Variants in WDR33 observed in about 807,000 individuals in gnomAD.
The protein encoded by WDR33 is WD repeat domain 33.
A neutral mutation model predicts 164.9 loss-of-function variants in WDR33; 47 were observed. The ratio of observed to expected loss-of-function variants is 0.29; its 90% confidence interval spans 0.23 to 0.36. The LOEUF is 0.36. WDR33 is among the 10% of genes least tolerant of loss of function. WDR33 has a pLI of 1.00. For synonymous variants in WDR33, 505 were observed against 589.0 expected (o/e 0.86, Z 2.06); for missense variants, 1,137 against 1,754.1 (o/e 0.65, Z 6.28).
At chr2:127,780,296 T>A (rs1688327331) in intron 1 of WDR33, among the ~76,000 whole-genome samples, 1 of 152,064 alleles carries the variant, frequency 6.6e-6, no homozygotes, top group African/African-American at 2.4e-5. Context: ...GACCCCAGGG[T>A]CAAAACCTCA....
Position 127,722,797 on chromosome 2 carries a change from C to T in WDR33, c.1379-67G>A. On this transcript the variant is annotated intron_variant, in intron 13 of 21. Coordinates refer to ENST00000322313, the MANE Select transcript of WDR33 (RefSeq NM_018383.5). The surrounding 1 kb of genome is among the most constrained non-coding windows in gnomAD (Gnocchi z 5.1). ...AAATTGGCCACTTGATCAATGAACA[C>T]ATTATTGGAAGAATAGATTTTAAGT... is the stretch of plus-strand genomic sequence containing the variant. The T allele has an allele frequency of 6.5e-7, 1 of 1,531,598 alleles. No individual in the cohort carries two copies. The highest frequency in any genetic ancestry group is 8.9e-7 in the Non-Finnish European group (1 of 1,125,290). The allele number at this position is 1,531,598 out of a possible 1,614,324, so 94.9% of individuals were successfully genotyped here.
intron 7 of WDR33, among the ~76,000 whole-genome samples, chr2:127,731,294 CAAAAAAAAA>C (rs35161101): frequency 2.8e-5 from 2 of 70,314 alleles, no homozygotes; most frequent in Admixed American, 1.8e-4. Context: ...GACCCTGCCT[CAAAAAAAAA>C]AAAAAAAAAA....
At chr2:127,791,066 A>G (rs888292413) in intron 1 of WDR33, among the ~76,000 whole-genome samples, 1 of 152,084 alleles carries the variant, frequency 6.6e-6, no homozygotes, top group Non-Finnish European at 1.5e-5. Context: ...CTCCATGGAA[A>G]AAGTAAATAG....
At chr2:127,765,874 A>G (rs1687805826) in intron 4 of WDR33, among the ~76,000 whole-genome samples, 1 of 152,140 alleles carries the variant, frequency 6.6e-6, no homozygotes, top group African/African-American at 2.4e-5. Flanking sequence ...ACTCTCAAAA[A>G]AAACCATAAT....
chr2:127,715,241 C>T (rs901389722), intron 17 of WDR33, among the ~76,000 whole-genome samples: 3 of 151,718 alleles, frequency 2.0e-5, no homozygotes, highest in Non-Finnish European at 2.9e-5. Context: ...ACAGGTACCA[C>T]GCCCGGCTAA....
chr2:127,771,921 T>C (rs1057316487), intron 1 of WDR33, among the ~76,000 whole-genome samples: 3 of 152,104 alleles, frequency 2.0e-5, no homozygotes, highest in Admixed American at 6.5e-5. Flanking sequence ...GGTGTGTATG[T>C]GTGAGTCAGT....
In WDR33 at chr2:127,701,561, C is replaced by T. The variant is rs770873372; in HGVS notation, c.*4762G>A. 3 of 1,369,224 alleles carry T rather than the reference C, an allele frequency of 2.2e-6. No individual in the cohort carries two copies. Among genetic ancestry groups the T allele is most frequent in the Non-Finnish European group, 2.8e-6 (3 of 1,059,938 alleles). 84.8% of individuals were successfully genotyped at this position (1,369,224 alleles called of 1,614,324 possible). On this transcript the variant is annotated 3_prime_UTR_variant, in exon 22 of 22. Transcript: ENST00000322313. ...ACCTCCACCGCCAGCTGCAGGAGTA[C>T]CTGGCGCAGGGGAAAGCTGGCGGCC...
In WDR33 at chr2:127,719,165, T is replaced by C. The variant is rs763923318; in HGVS notation, c.2760+100A>G. ...AGCTACTGTCACTACTTGATAAGTA[T>C]TTATATCCAGCTGTGACCATTTTCC... On this transcript the variant is annotated intron_variant, in intron 16 of 21. Coordinates refer to ENST00000322313, the MANE Select transcript of WDR33 (RefSeq NM_018383.5). The surrounding 1 kb of genome is among the most constrained non-coding windows in gnomAD (Gnocchi z 6.5). The C allele has an allele frequency of 1.5e-6, 2 of 1,293,942 alleles. No homozygotes were observed. Among genetic ancestry groups the C allele is most frequent in the Non-Finnish European group, 2.0e-6 (2 of 1,013,244 alleles). 80.2% of individuals were successfully genotyped at this position (1,293,942 alleles called of 1,614,324 possible).
At chr2:127,754,160 A>G (rs1687450016) in intron 7 of WDR33, among the ~76,000 whole-genome samples, 1 of 152,224 alleles carries the variant, frequency 6.6e-6, no homozygotes, top group East Asian at 1.9e-4. Context: ...TAGTGTTAAT[A>G]ACATTATCCA....
In WDR33 at chr2:127,713,575, T is replaced by C; in HGVS notation, c.3308+8A>G. ...AGATGGAATGGGCCCACAAAGTATC[T>C]GTCCCACCTTTCTTCTCTGCGCCCT... On this transcript the variant is annotated splice_region_variant and intron_variant, in intron 18 of 21. Coordinates refer to ENST00000322313, the MANE Select transcript of WDR33 (RefSeq NM_018383.5). The surrounding 1 kb of genome is among the most constrained non-coding windows in gnomAD (Gnocchi z 6.2). 4 of 1,614,002 alleles carry C rather than the reference T, an allele frequency of 2.5e-6. No individual in the cohort carries two copies. Among genetic ancestry groups the C allele is most frequent in the East Asian group, 2.2e-5 (1 of 44,884 alleles).
At chr2:127,799,310 TC>T (rs1689153407) in intron 1 of WDR33, among the ~76,000 whole-genome samples, 1 of 152,004 alleles carries the variant, frequency 6.6e-6, no homozygotes, top group Admixed American at 6.6e-5. Flanking sequence ...AACACTGTCT[TC>T]CTACACATGA....
chr2:127,794,775 A>T, intron 1 of WDR33, among the ~76,000 whole-genome samples: 1 of 147,104 alleles, frequency 6.8e-6, no homozygotes, highest in African/African-American at 2.5e-5. Flanking sequence ...CAGAGGTTGC[A>T]GTGAGCCGAG....
At chr2:127,805,467 G>A (rs1456507093) in intron 1 of WDR33, among the ~76,000 whole-genome samples, 2 of 151,972 alleles carry the variant, frequency 1.3e-5, no homozygotes, top group Admixed American at 1.3e-4. Flanking sequence ...GGAAATAAAA[G>A]GAATAGAGAA....
At chr2:127,789,641 G>A (rs968030047) in intron 1 of WDR33, among the ~76,000 whole-genome samples, 9 of 151,582 alleles carry the variant, frequency 5.9e-5, no homozygotes, top group Non-Finnish European at 1.3e-4. Context: ...GATGGCAGCA[G>A]TACAGTCCAG....
At chr2:127,730,550 T>C (rs926452272) in intron 7 of WDR33, among the ~76,000 whole-genome samples, 6 of 151,876 alleles carry the variant, frequency 4.0e-5, no homozygotes, top group Non-Finnish European at 8.8e-5. Flanking sequence ...AGAAGTGGAA[T>C]TATTAAACAA....
At chr2:127,750,680 ATATATATATAT>A (rs2105414949) in intron 7 of WDR33, among the ~76,000 whole-genome samples, 1 of 33,312 alleles carries the variant, frequency 3.0e-5, no homozygotes, top group Non-Finnish European at 4.7e-5. Flanking sequence ...AAAAAAAAAT[ATATATATATAT>A]ATATATATAT....
At chr2:127,803,733 A>C (rs1358547721) in intron 1 of WDR33, among the ~76,000 whole-genome samples, 1 of 152,038 alleles carries the variant, frequency 6.6e-6, no homozygotes, top group Non-Finnish European at 1.5e-5. Flanking sequence ...CTCCTTGGAG[A>C]AATGGGAAGA....
chr2:127,809,246 A>C (rs956163719), intron 1 of WDR33, among the ~76,000 whole-genome samples: 3 of 152,074 alleles, frequency 2.0e-5, no homozygotes, highest in African/African-American at 7.2e-5. Context: ...GAGAGCTCTG[A>C]ATAAATACCT....
At chr2:127,736,001 C>G (rs1686829540) in intron 7 of WDR33, 1 of 985,300 alleles carries the variant, frequency 1.0e-6, no homozygotes, top group Non-Finnish European at 1.2e-6. Flanking sequence ...TATGTTCCAA[C>G]AATACAGTGC....
Sources: allele counts gnomAD v4.1 joint callset (sites outside exome capture counted in the v4.1 genomes callset), GRCh38; gene constraint gnomAD v4.1.1; non-coding constraint Gnocchi (gnomAD v3.1); transcripts MANE v1.5; gene names NCBI Gene and HGNC (gene_info 2026-07-23, HGNC 2026-07-21).